SAXO5: variants seen among roughly 807,000 people sequenced by gnomAD.
The protein encoded by SAXO5 is testis expressed 45.
the SAXO5 span, chr19:7,506,100 G>T: frequency 1.9e-6 from 3 of 1,613,592 alleles, no homozygotes; most frequent in Non-Finnish European, 2.5e-6. Flanking sequence ...CCTTCAGAGT[G>T]GAGACAGGTG....
chr19:7,505,014 C>T, the SAXO5 span, among the ~76,000 whole-genome samples: 4 of 144,626 alleles, frequency 2.8e-5, no homozygotes, highest in Admixed American at 2.9e-4. Flanking sequence ...GACGTAGTCT[C>T]GCTCTGTTGC....
the SAXO5 span, chr19:7,508,238 T>C: frequency 1.2e-6 from 2 of 1,613,982 alleles, no homozygotes. Context: ...CCCCTCTGGG[T>C]GGACTGCGCT....
the SAXO5 span, chr19:7,501,478 C>A: frequency 7.4e-7 from 1 of 1,349,224 alleles, no homozygotes; most frequent in East Asian, 3.0e-5. Context: ...CTTCATTCCC[C>A]TTCCCCCAGG....
At chr19:7,500,909 GC>G in the SAXO5 span, 1 of 1,583,764 alleles carries the variant, frequency 6.3e-7, no homozygotes, top group South Asian at 1.1e-5. Context: ...TCTCGCTGGG[GC>G]CTGACCTGCG....
At chr19:7,502,249 A>G in the SAXO5 span, among the ~76,000 whole-genome samples, 2 of 152,178 alleles carry the variant, frequency 1.3e-5, no homozygotes, top group East Asian at 3.9e-4. Context: ...GGGACTGCAG[A>G]CACGCATGTC....
chr19:7,501,264 G>T, the SAXO5 span: 1 of 1,569,088 alleles, frequency 6.4e-7, no homozygotes. Flanking sequence ...GATCCGCGGC[G>T]CGCGCCTCAT....
At chr19:7,501,745 CA>C in the SAXO5 span, among the ~76,000 whole-genome samples, 3 of 152,028 alleles carry the variant, frequency 2.0e-5, no homozygotes, top group African/African-American at 7.2e-5. Flanking sequence ...CGCTTGAACC[CA>C]GGGGGCAGAG....
the SAXO5 span, chr19:7,506,200 C>A: frequency 6.7e-7 from 1 of 1,498,986 alleles, no homozygotes; most frequent in South Asian, 1.3e-5. Flanking sequence ...CCCATGGAGC[C>A]CCGCCCCGGG....
chr19:7,498,190 C>T, the SAXO5 span, among the ~76,000 whole-genome samples: 1 of 151,160 alleles, frequency 6.6e-6, no homozygotes, highest in South Asian at 2.1e-4. Flanking sequence ...CACACACACA[C>T]ACACACACAC....
chr19:7,508,128 C>T, the SAXO5 span: 7 of 1,259,552 alleles, frequency 5.6e-6, no homozygotes, highest in South Asian at 9.2e-5. Context: ...CTCATCAGGC[C>T]TGGAGATCCT....
the SAXO5 span, chr19:7,497,806 T>C: frequency 6.6e-6 from 1 of 152,106 alleles, no homozygotes; most frequent in Non-Finnish European, 1.5e-5. Flanking sequence ...ATGACCCATT[T>C]TGGAGGTCAT....
the SAXO5 span, chr19:7,505,610 A>G: frequency 6.2e-7 from 1 of 1,613,992 alleles, no homozygotes; most frequent in African/African-American, 1.3e-5. Context: ...ACCTTCATGC[A>G]GTACTTCTAC....
chr19:7,501,170 C>T, the SAXO5 span: 1 of 1,515,090 alleles, frequency 6.6e-7, no homozygotes. Context: ...TGCACCTGCA[C>T]GAGGACGCGC....
chr19:7,501,124 C>T, the SAXO5 span: 2 of 1,506,560 alleles, frequency 1.3e-6, no homozygotes, highest in Non-Finnish European at 8.8e-7. Flanking sequence ...CAAGCGCAGG[C>T]GCGGGAACGC....
chr19:7,507,660 GCAC>G, the SAXO5 span, among the ~76,000 whole-genome samples: 1 of 151,786 alleles, frequency 6.6e-6, no homozygotes, highest in African/African-American at 2.4e-5. Context: ...GGGCATCTTT[GCAC>G]CACCACCACT....
chr19:7,506,181 A>AGCCCCGCCCCATGG, the SAXO5 span: 1 of 1,486,204 alleles, frequency 6.7e-7, no homozygotes. Context: ...CGCTCCCGGG[A>AGCCCCGCCCCATGG]AGCCCCGCCC....
the SAXO5 span, chr19:7,507,197 A>C: frequency 1.6e-5 from 24 of 1,455,196 alleles, no homozygotes; most frequent in Middle Eastern, 1.7e-4. Flanking sequence ...ATTGGTGTAG[A>C]GTTATCTCAG....
chr19:7,504,541 A>G, the SAXO5 span: 2 of 674,218 alleles, frequency 3.0e-6, no homozygotes, highest in African/African-American at 1.8e-5. Context: ...CCCTGTCTCT[A>G]CTAAAAATAC....
the SAXO5 span, among the ~76,000 whole-genome samples, chr19:7,503,088 T>C: frequency 6.6e-6 from 1 of 152,100 alleles, no homozygotes; most frequent in Non-Finnish European, 1.5e-5. Flanking sequence ...TGCGGCCGGG[T>C]GCAATGGCTC....
Sources: allele counts gnomAD v4.1 joint callset (sites outside exome capture counted in the v4.1 genomes callset), GRCh38; gene constraint gnomAD v4.1.1; transcripts MANE v1.5; gene names NCBI Gene and HGNC (gene_info 2026-07-23, HGNC 2026-07-21).